Variants in MUC3A observed in about 807,000 individuals in gnomAD.
The protein encoded by MUC3A is mucin 3A, cell surface associated.
Under a neutral mutation model 109.0 loss-of-function variants are expected in MUC3A, and 109 were observed. The ratio of observed to expected loss-of-function variants is 1.00; its 90% CI spans 0.86 to 1.17. The LOEUF is 1.17. MUC3A is among the 50% of genes most tolerant of loss of function. The pLI is 0.00. For missense variants in MUC3A, 3,537 were observed against 2,469.4 expected, an observed-to-expected ratio of 1.43 and a Z score of -9.16; for synonymous variants, 1,398 against 981.4, an observed-to-expected ratio of 1.42 and a Z score of -7.93.
intron 3 of MUC3A, among the ~76,000 whole-genome samples, chr7:100,962,835 T>C (rs1285912555): frequency 0.016 from 99 of 6,294 alleles, no homozygotes; most frequent in African/African-American, 0.026. Context: ...CTTTCTTTCT[T>C]TTTCTCTCTC....
chr7:100,955,128 AC>A lies in MUC3A; in HGVS notation c.3350del (p.Thr1117IlefsTer17). The A allele has an allele frequency of 1.8e-6, 1 of 544,452 alleles. No homozygotes were observed. Among genetic ancestry groups the A allele is most frequent in the Non-Finnish European group, 3.2e-6 (1 of 312,196 alleles). 33.7% of individuals were successfully genotyped at this position (544,452 alleles called of 1,614,324 possible). A position where few individuals can be genotyped will look rare whatever the true frequency, so the allele number is the denominator to read the frequency against. On this transcript the variant is annotated frameshift_variant, in exon 2 of 12. Transcript: ENST00000379458. LOFTEE classifies it high-confidence loss of function. ...SITGTLSTAT[T>X]LPPTSSSLPT... The stretch of plus-strand genomic sequence containing the variant: ...AACAGGTACATTGTCCACTGCCACT[AC>A]TCTCCCACCCACCTCTTCCTCTCTC...
At position 100,959,028 on chromosome 7, in the gene MUC3A, G is replaced by A. The variant is rs1201367283; in HGVS notation, c.7249G>A (p.Glu2417Lys). The stretch of plus-strand genomic sequence containing the variant: ...CCTCACTTCTTCAATCACCACCACT[G>A]AGACTACCTCACACAGTACTCCTGG... ...PGLTSSITTT[E>K]TTSHSTPGFT... is the part of the protein sequence containing the mutation. The change falls in exon 2 of 12, where the codon GAG (glutamate) becomes AAG (lysine). Residue 2417 changes from glutamate to lysine, a missense_variant. Coordinates refer to ENST00000379458, the MANE Select transcript of MUC3A (RefSeq NM_005960.2). 9 of 1,479,618 alleles carry A rather than the reference G, an allele frequency of 6.1e-6. No individual in the cohort carries two copies. Among genetic ancestry groups the A allele is most frequent in the Middle Eastern group, 1.8e-4 (1 of 5,554 alleles). The allele number at this position is 1,479,618 out of a possible 1,614,324, so 91.7% of individuals were successfully genotyped here.
chr7:100,966,618 C>A (rs765455168), intron 9 of MUC3A, 34 bp from the exon 10 acceptor site: 1 of 1,598,300 alleles, frequency 6.3e-7, no homozygotes, highest in Non-Finnish European at 8.5e-7. Flanking sequence ...CCAGGCGGGC[C>A]GGCTCTGTCT....
In MUC3A at chr7:100,955,200, AC is replaced by A. The variant is rs1388864185; in HGVS notation, c.3423del (p.Thr1142ProfsTer40). 1.2e-5 allele frequency: 8 copies of A among 658,514 alleles called. No individual in the cohort carries two copies. Among genetic ancestry groups the A allele is most frequent in the Admixed American group, 8.8e-5 (4 of 45,340 alleles). 40.8% of individuals were successfully genotyped at this position (658,514 alleles called of 1,614,324 possible). On this transcript the variant is annotated frameshift_variant, in exon 2 of 12. Transcript: ENST00000379458. LOFTEE classifies it high-confidence loss of function. ...ATMTPTTTLITTTPNTTSLST... is the reference protein window; with the variant it reads ...ATMTPTTTLIXTTPNTTSLST... ...GATGACTCCTACCACAACCTTGATA[AC>A]CACCACCCCTAATACCACCTCCCTT... is the stretch of plus-strand genomic sequence containing the variant.
chr7:100,954,936 G>A lies in MUC3A; in HGVS notation c.3157G>A (p.Glu1053Lys), dbSNP rs891417194. Residue 1053 changes from glutamate to lysine, a missense_variant, in exon 2 of 12, where the codon GAA becomes AAA. By Grantham distance (56) the Glu-to-Lys change is moderately conservative. Transcript: ENST00000379458. Reference protein sequence around the residue: ...ILSSTPVPSTEMITSHTTNTT... With the variant: ...ILSSTPVPSTKMITSHTTNTT... The stretch of plus-strand genomic sequence containing the variant: ...ATCTTCTACACCTGTCCCAAGCACA[G>A]AAATGATCACCAGTCATACCACAAA... 7.3e-6 allele frequency: 4 copies of A among 549,802 alleles called. No individual in the cohort carries two copies. Among genetic ancestry groups the A allele is most frequent in the African/African-American group, 5.7e-5 (3 of 52,786 alleles). 34.1% of individuals were successfully genotyped at this position (549,802 alleles called of 1,614,324 possible).
Position 100,957,950 on chromosome 7 carries a change from C to G in MUC3A, c.6171C>G (p.Pro2057=). 5.4e-6 allele frequency: 4 copies of G among 746,102 alleles called. No homozygotes were observed. The highest frequency in any genetic ancestry group is 2.3e-4 in the Middle Eastern group (1 of 4,296). The allele number at this position is 746,102 out of a possible 1,614,324, so 46.2% of individuals were successfully genotyped here. A position where few individuals can be genotyped will look rare whatever the true frequency, so the allele number is the denominator to read the frequency against. ...CCGAGACCACATCCCACAGTACTCCCAGCTTCACTTCATTGATCACCATCA... is the reference window on the plus strand; with the variant it reads ...CCGAGACCACATCCCACAGTACTCCGAGCTTCACTTCATTGATCACCATCA... ...ITTETTSHST[P]SFTSLITITE... is the part of the protein sequence containing the mutation. Residue 2057 remains proline (P), a synonymous_variant, in exon 2 of 12, where the codon CCC becomes CCG. Coordinates refer to ENST00000379458, the MANE Select transcript of MUC3A (RefSeq NM_005960.2).
chr7:100,965,857 C>T lies in MUC3A; in HGVS notation c.9602C>T (p.Pro3201Leu), dbSNP rs917143130. The T allele has an allele frequency of 2.5e-6, 4 of 1,593,916 alleles. No homozygotes were observed. In the Admixed American group the frequency reaches 5.0e-5, roughly 20 times the overall value. ...CAGTGCGTTCTGGAGACGAGCGGTC[C>T]CACGTGTCGGTAAGGCCCCGCTCAC... ...QGQCVLETSG[P>L]TCRCYSTDTH... Residue 3201 changes from proline to leucine, a missense_variant, in exon 8 of 12, where the codon CCC becomes CTC. Pro to Leu is a moderately conservative substitution (Grantham distance 98). Transcript: ENST00000379458.
rs1006875289 is a variant in MUC3A at position 100,952,774 on chromosome 7, C to G, written c.995C>G (p.Ser332Cys). 2.6e-6 allele frequency: 4 copies of G among 1,561,916 alleles called. No individual in the cohort carries two copies. Among genetic ancestry groups the G allele is most frequent in the Non-Finnish European group, 3.4e-6 (4 of 1,161,292 alleles). The change falls in exon 2 of 12, where the codon TCT becomes TGT. Residue 332 changes from serine to cysteine, a missense_variant. Ser to Cys is a moderately radical substitution (Grantham distance 112). Coordinates refer to ENST00000379458, the MANE Select transcript of MUC3A (RefSeq NM_005960.2). Reference sequence around the variant, plus strand: ...ACCATCAGCAGGTCTACACCTACATCTGAGACCACCTACACTACTTCTCCC... The same window carrying G: ...ACCATCAGCAGGTCTACACCTACATGTGAGACCACCTACACTACTTCTCCC... ...PTTISRSTPT[S>C]ETTYTTSPTS...
rs1280582397 is a variant in MUC3A, at chr7:100,965,761, A to T, written c.9506A>T (p.Glu3169Val). The change falls in exon 8 of 12, where the codon GAG becomes GTG. Residue 3169 changes from glutamate (E) to valine (V), a missense_variant. By Grantham distance (121) the Glu-to-Val change is moderately radical (BLOSUM62 -2). Coordinates refer to ENST00000379458, the MANE Select transcript of MUC3A (RefSeq NM_005960.2). ...GAAGAGTTCTACTTCCCCTTGGTGG[A>T]GGCCACCCGGCTCCGCTGTGTCACC... ...GYEEFYFPLV[E>V]ATRLRCVTKC... 1 of 1,598,456 alleles carries T rather than the reference A, an allele frequency of 6.3e-7. No individual in the cohort carries two copies. The highest frequency in any genetic ancestry group is 8.5e-7 in the Non-Finnish European group (1 of 1,179,782).
chr7:100,959,679 A>G lies in MUC3A; in HGVS notation c.7900A>G (p.Thr2634Ala). Reference protein sequence around the residue: ...VSTSQVPIPSTHSSTLQTTPS... With the variant: ...VSTSQVPIPSAHSSTLQTTPS... ...AACATCACAGGTTCCTATTCCTAGC[A>G]CACATTCCTCCACCCTTCAAACAAC... The change falls in exon 2 of 12, where the codon ACA becomes GCA. Residue 2634 changes from threonine to alanine, a missense_variant. Coordinates refer to ENST00000379458, the MANE Select transcript of MUC3A (RefSeq NM_005960.2). 1.9e-6 allele frequency: 3 copies of G among 1,598,522 alleles called. No homozygotes were observed. The highest frequency in any genetic ancestry group is 2.5e-6 in the Non-Finnish European group (3 of 1,179,796).
chr7:100,957,552 ACTT>A lies in MUC3A; in HGVS notation c.5778_5780del (p.Ser1927del), dbSNP rs1792132156. 5.7e-6 allele frequency: 9 copies of A among 1,575,028 alleles called. No individual in the cohort carries two copies. Among genetic ancestry groups the A allele is most frequent in the Non-Finnish European group, 7.7e-6 (9 of 1,169,242 alleles). ...CCCCTCACACAGTACTCCCAGATTC[ACTT>A]CTTCAATCACCACTACCGAGACCCC... On this transcript the variant is annotated inframe_deletion, in exon 2 of 12. Coordinates refer to ENST00000379458, the MANE Select transcript of MUC3A (RefSeq NM_005960.2).
chr7:100,963,816 A>C, intron 5 of MUC3A, 64 bp downstream of exon 5: 7 of 1,591,726 alleles, frequency 4.4e-6, no homozygotes, highest in Non-Finnish European at 6.0e-6. Context: ...CACACAAAAA[A>C]CCCATTCCTT....
chr7:100,963,340 C>A, intron 4 of MUC3A, 74 bp downstream of exon 4: 5 of 1,181,678 alleles, frequency 4.2e-6, no homozygotes, highest in Non-Finnish European at 3.5e-6. Context: ...GGCTGGAGTG[C>A]AATGGTGCGA....
chr7:100,951,074 A>G lies in MUC3A; in HGVS notation c.62-767A>G, dbSNP rs1028365644. 9.2e-5 allele frequency among the ~76,000 whole-genome samples: 14 copies of G among 152,078 alleles called. 1 individual carries two copies. Among genetic ancestry groups the G allele is most frequent in the South Asian group, 2.1e-4 (1 of 4,830 alleles). ...ACCCAGGCTGGAGTGCAGTGGCACC[A>G]TCTCAGCTCACTGCAGCCTCTGCTT... On this transcript the variant is annotated intron_variant, in intron 1 of 11. Transcript: ENST00000379458.
chr7:100,951,257 A>C lies in MUC3A; in HGVS notation c.62-584A>C, dbSNP rs550144598. On this transcript the variant is annotated intron_variant, in intron 1 of 11. Transcript: ENST00000379458. ...GTGATCTCCTGCCTTGGCCTTTCAA[A>C]GTGCTGGGATTACAGGCATGAGCCA... Among the ~76,000 whole-genome samples, 8 of 152,262 alleles carry C rather than the reference A, an allele frequency of 5.3e-5. No individual in the cohort carries two copies. In the South Asian group the frequency reaches 6.2e-4, roughly 12 times the overall value.
In MUC3A at chr7:100,953,690, A is replaced by G. The variant is rs1563060970; in HGVS notation, c.1911A>G (p.Ser637=). The G allele has an allele frequency of 4.9e-6, 2 of 410,772 alleles. No individual in the cohort carries two copies. Among genetic ancestry groups the G allele is most frequent in the Non-Finnish European group, 8.4e-6 (2 of 238,528 alleles). The allele number at this position is 410,772 out of a possible 1,614,324, so 25.4% of individuals were successfully genotyped here. The change falls in exon 2 of 12, where the codon TCA becomes TCG. Residue 637 remains serine, a synonymous_variant. Transcript: ENST00000379458. ...TAMTSPPITS[S]VTSTNTVTSM... Reference sequence around the variant, plus strand: ...TGACTTCTCCTCCCATCACTTCATCAGTCACTTCCACAAATACAGTGACTT... The same window carrying G: ...TGACTTCTCCTCCCATCACTTCATCGGTCACTTCCACAAATACAGTGACTT...
At position 100,957,056 on chromosome 7, in the gene MUC3A, TA is replaced by T. The variant is rs1444871538; in HGVS notation, c.5278del (p.Thr1760LeufsTer14). 0.013 allele frequency: 5,890 copies of T among 457,326 alleles called. No individual in the cohort carries two copies. The highest frequency in any genetic ancestry group is 0.098 in the African/African-American group (4,525 of 46,264). The allele number at this position is 457,326 out of a possible 1,614,324, so 28.3% of individuals were successfully genotyped here. A position where few individuals can be genotyped will look rare whatever the true frequency, so the allele number is the denominator to read the frequency against. On this transcript the variant is annotated frameshift_variant, in exon 2 of 12. Transcript: ENST00000379458. LOFTEE classifies it high-confidence loss of function. Reference protein sequence around the residue: ...TGSFKTAVSSTPPITSSITST... With the variant: ...TGSFKTAVSSXPPITSSITST... ...GATCTTTCAAAACAGCCGTGAGTTC[TA>T]CTCCCCCCATCACTTCTTCAATCAC...
At chr7:100,966,250 GCCC>G in intron 8 of MUC3A, 133 bp from the exon 9 acceptor site, 1 of 405,842 alleles carries the variant, frequency 2.5e-6, no homozygotes, top group Non-Finnish European at 3.3e-6. Flanking sequence ...TGGATTCCCA[GCCC>G]CTTGTCTAGG....
rs757620387 is a variant in MUC3A at position 100,964,725 on chromosome 7, C to A, written c.9264C>A (p.Val3088=). ...RNGSIVVDYL[V]LLEMPFSPQL... Reference sequence around the variant, plus strand: ...GCAGCATCGTGGTGGACTACCTGGTCCTGCTGGAGATGCCCTTCAGCCCCC... The same window carrying A: ...GCAGCATCGTGGTGGACTACCTGGTACTGCTGGAGATGCCCTTCAGCCCCC... Residue 3088 remains valine (V), a synonymous_variant, in exon 6 of 12, where the codon GTC becomes GTA. Coordinates refer to ENST00000379458, the MANE Select transcript of MUC3A (RefSeq NM_005960.2). The A allele has an allele frequency of 6.3e-7, 1 of 1,598,452 alleles. No homozygotes were observed.
Sources: allele counts gnomAD v4.1 joint callset (sites outside exome capture counted in the v4.1 genomes callset), GRCh38; gene constraint gnomAD v4.1.1; transcripts MANE v1.5; gene names NCBI Gene and HGNC (gene_info 2026-07-23, HGNC 2026-07-21).